MS4A13: variants seen among roughly 807,000 people sequenced by gnomAD.
The protein encoded by MS4A13 is membrane-spanning 4-domains subfamily A member 13.
MS4A13 carries 21 observed loss-of-function variants against 18.4 expected under a neutral mutation model. The ratio of observed to expected loss-of-function variants is 1.14; its 90% CI spans 0.81 to 1.64. The LOEUF is 1.64. Among genes scored for constraint, MS4A13 ranks in the 40% most tolerant of loss-of-function variants. The pLI is 0.00. For missense variants in MS4A13, 173 were observed against 176.8 expected (o/e 0.98, Z 0.12); for synonymous variants, 62 against 57.2 (o/e 1.08, Z -0.38).
intron 3 of MS4A13, among the ~76,000 whole-genome samples, chr11:60,523,145 T>C (rs2086688964): frequency 6.6e-6 from 1 of 152,194 alleles, no homozygotes; most frequent in African/African-American, 2.4e-5. Context: ...GCTGAACAAA[T>C]AGATTTAAAA....
intron 5 of MS4A13, 138 bp downstream of exon 5, chr11:60,525,464 A>G: frequency 1.9e-6 from 1 of 523,656 alleles, no homozygotes; most frequent in South Asian, 2.7e-5. Flanking sequence ...TTGATTGAAA[A>G]TTTTAAATCA....
chr11:60,525,381 A>C, intron 5 of MS4A13, 55 bp downstream of exon 5: 1 of 1,289,632 alleles, frequency 7.8e-7, no homozygotes. Flanking sequence ...CTTTTTAATA[A>C]TTTTGAAATC....
intron 5 of MS4A13, among the ~76,000 whole-genome samples, chr11:60,526,446 C>T (rs1019609244): frequency 6.6e-6 from 1 of 152,150 alleles, no homozygotes; most frequent in Admixed American, 6.5e-5. Context: ...GGCATAATTG[C>T]CAAGGATTGC....
rs772141119 is a variant in MS4A13 at position 60,523,899 on chromosome 11, T to C, written c.132T>C (p.Phe44=). 4 of 1,504,176 alleles carry C rather than the reference T, an allele frequency of 2.7e-6. No individual in the cohort carries two copies. The East Asian group carries it at 9.0e-5, about 34-fold the overall frequency. 93.2% of individuals were successfully genotyped at this position (1,504,176 alleles called of 1,614,324 possible). The change falls in exon 4 of 7, where the codon TTT becomes TTC. Residue 44 remains phenylalanine (F), a splice_region_variant and synonymous_variant. Coordinates refer to ENST00000378186, the MANE Select transcript of MS4A13 (RefSeq NM_001012417.3). ...KTGCTLWGIF[F]IIAGVFLIRV... ...TATAAATATGTTTTTATATCCAGTTTATCATTGCAGGAGTCTTCCTAATAA... is the reference window on the plus strand; with the variant it reads ...TATAAATATGTTTTTATATCCAGTTCATCATTGCAGGAGTCTTCCTAATAA...
At chr11:60,529,495 A>C in intron 6 of MS4A13, 35 bp downstream of exon 6, 6 of 1,259,960 alleles carry the variant, frequency 4.8e-6, no homozygotes, top group African/African-American at 1.5e-5. Flanking sequence ...AAATCAAAAG[A>C]TGTTGATTTC....
chr11:60,542,250 A>C (rs868833707), intron 6 of MS4A13, among the ~76,000 whole-genome samples: 3 of 146,830 alleles, frequency 2.0e-5, no homozygotes, highest in Middle Eastern at 3.5e-3. Flanking sequence ...GAGAAAGAAA[A>C]AGAGAAAGAA....
chr11:60,517,880 A>G (rs1305390947), intron 2 of MS4A13, among the ~76,000 whole-genome samples, 192 bp from the exon 3 acceptor site: 2 of 152,132 alleles, frequency 1.3e-5, no homozygotes, highest in East Asian at 3.8e-4. Context: ...ACTGATTCCT[A>G]TTTGGTAAAT....
At chr11:60,538,078 G>A (rs1454667520) in intron 6 of MS4A13, among the ~76,000 whole-genome samples, 1 of 150,108 alleles carries the variant, frequency 6.7e-6, no homozygotes, top group Non-Finnish European at 1.5e-5. Context: ...CCTAATGCTG[G>A]ATGACACGTT....
intron 2 of MS4A13, among the ~76,000 whole-genome samples, chr11:60,517,801 T>C (rs2086646883): frequency 6.6e-6 from 1 of 152,170 alleles, no homozygotes; most frequent in African/African-American, 2.4e-5. Context: ...AGTGATAGAA[T>C]CAAACTGTTA....
intron 2 of MS4A13, among the ~76,000 whole-genome samples, chr11:60,517,184 TAAAAAA>T (rs79895665): frequency 4.7e-5 from 7 of 148,486 alleles, no homozygotes; most frequent in Non-Finnish European, 7.5e-5. Context: ...GACTTTTTCT[TAAAAAA>T]AAAACAAAAC....
intron 3 of MS4A13, among the ~76,000 whole-genome samples, chr11:60,522,581 C>G (rs1590872042): frequency 6.6e-6 from 1 of 152,010 alleles, no homozygotes; most frequent in South Asian, 2.1e-4. Flanking sequence ...CTAGAAGAAA[C>G]AATGATCTCT....
intron 6 of MS4A13, among the ~76,000 whole-genome samples, chr11:60,542,238 AGG>A (rs2086865574): frequency 1.3e-5 from 2 of 148,900 alleles, no homozygotes; most frequent in Admixed American, 6.7e-5. Flanking sequence ...GAAGGAAGGA[AGG>A]AGAAAGAAAA....
At chr11:60,525,076 A>C (rs2086704594) in intron 4 of MS4A13, 131 bp from the exon 5 acceptor site, 1 of 593,614 alleles carries the variant, frequency 1.7e-6, no homozygotes, top group African/African-American at 1.9e-5. Flanking sequence ...TATTTTCTTA[A>C]TATTTAATAC....
At chr11:60,538,330 A>G (rs960293767) in intron 6 of MS4A13, among the ~76,000 whole-genome samples, 3 of 151,778 alleles carry the variant, frequency 2.0e-5, no homozygotes, top group African/African-American at 7.3e-5. Context: ...CAGGAGGAGT[A>G]AGCTTTAGGG....
chr11:60,517,574 T>C (rs2086645682), intron 2 of MS4A13, among the ~76,000 whole-genome samples: 1 of 152,174 alleles, frequency 6.6e-6, no homozygotes, highest in Non-Finnish European at 1.5e-5. Context: ...CACTCCAGCA[T>C]ACTTGTGAAA....
chr11:60,540,335 T>G (rs1161346737), intron 6 of MS4A13, among the ~76,000 whole-genome samples: 1 of 152,210 alleles, frequency 6.6e-6, no homozygotes, highest in East Asian at 1.9e-4. Flanking sequence ...CAACCCTTCT[T>G]CAATAGACAG....
chr11:60,524,247 G>A (rs1480414834), intron 4 of MS4A13, among the ~76,000 whole-genome samples: 2 of 151,966 alleles, frequency 1.3e-5, no homozygotes, highest in African/African-American at 4.8e-5. Context: ...ATTTTAATAG[G>A]ACCTAATGCC....
At position 60,529,351 on chromosome 11, in the gene MS4A13, T is replaced by G; in HGVS notation, c.307-14T>G. On this transcript the variant is annotated splice_polypyrimidine_tract_variant and intron_variant, in intron 5 of 6. Coordinates refer to ENST00000378186, the MANE Select transcript of MS4A13 (RefSeq NM_001012417.3). ...ATAATAGCATTAAGATTTCTCCCTGTTTTTTGGTTATAGAAACTTGGGAGG... is the reference window on the plus strand; with the variant it reads ...ATAATAGCATTAAGATTTCTCCCTGGTTTTTGGTTATAGAAACTTGGGAGG... 3 of 1,481,292 alleles carry G rather than the reference T, an allele frequency of 2.0e-6. No individual in the cohort carries two copies. The highest frequency in any genetic ancestry group is 2.8e-6 in the Non-Finnish European group (3 of 1,076,360). 91.8% of individuals were successfully genotyped at this position (1,481,292 alleles called of 1,614,324 possible). A position where few individuals can be genotyped will look rare whatever the true frequency, so the allele number is the denominator to read the frequency against.
chr11:60,521,561 C>A (rs1381570804), intron 3 of MS4A13, among the ~76,000 whole-genome samples: 1 of 152,224 alleles, frequency 6.6e-6, no homozygotes, highest in African/African-American at 2.4e-5. Context: ...ACAAGAGTCA[C>A]CTTGCTCTAA....
Sources: allele counts gnomAD v4.1 joint callset (sites outside exome capture counted in the v4.1 genomes callset), GRCh38; gene constraint gnomAD v4.1.1; transcripts MANE v1.5; gene names NCBI Gene and HGNC (gene_info 2026-07-23, HGNC 2026-07-21).